The following IRAK1 variants were observed in gnomAD, a reference collection of about 807,000 sequenced individuals.
The protein encoded by IRAK1 is interleukin 1 receptor associated kinase 1, also known as interleukin-1 receptor-associated kinase 1.
A neutral mutation model predicts 49.8 loss-of-function variants in IRAK1; 9 were observed. The observed-to-expected ratio is 0.18, with a 90% CI of 0.11 to 0.32. The LOEUF is 0.32. IRAK1 is among the 10% of genes least tolerant of loss of function. The probability of loss-of-function intolerance (pLI) is 1.00; values close to 1 mark genes in which losing one functional copy is unlikely to be tolerated. For synonymous variants in IRAK1, 282 were observed against 270.8 expected, an observed-to-expected ratio of 1.04 and a Z score of -0.41; for missense variants, 418 against 600.5, an observed-to-expected ratio of 0.70 and a Z score of 3.18.
At chrX:154,018,198 C>A in intron 6 of IRAK1, 78 bp from the exon 7 acceptor site, 1 of 1,061,901 alleles carries the variant, frequency 9.4e-7, no homozygotes, top group Non-Finnish European at 1.3e-6. Context: ...CTCGCCCGGG[C>A]CTGCCAGGCC....
In IRAK1 at chrX:154,019,588, G is replaced by A. The variant is rs1218532297; in HGVS notation, c.147C>T (p.Ile49=). 58 of 1,095,237 alleles carry A rather than the reference G, an allele frequency of 5.3e-5. No individual in the cohort carries two copies. Among genetic ancestry groups the A allele is most frequent in the Non-Finnish European group, 6.8e-5 (57 of 844,321 alleles). The allele number at this position is 1,095,237 out of a possible 1,213,427, so 90.3% of individuals were successfully genotyped here. Reference sequence around the variant, plus strand: ...GCCGCAGCTCGGTCTGGTCGCGCACGATCAGGGCGGCTGCGGGGCGGGGGG... The same window carrying A: ...GCCGCAGCTCGGTCTGGTCGCGCACAATCAGGGCGGCTGCGGGGCGGGGGG... The part of the protein sequence containing the change: ...PADWCQFAAL[I]VRDQTELRLC... The change falls in exon 2 of 14, where the codon ATC becomes ATT. Residue 49 remains isoleucine (I), a synonymous_variant. Coordinates refer to ENST00000369980, the MANE Select transcript of IRAK1 (RefSeq NM_001569.4).
chrX:154,019,684 G>A lies in IRAK1; in HGVS notation c.129C>T (p.Cys43=). The A allele has an allele frequency of 1.0e-6, 1 of 980,152 alleles. No individual in the cohort carries two copies. Among genetic ancestry groups the A allele is most frequent in the East Asian group, 4.1e-5 (1 of 24,369 alleles). The allele number at this position is 980,152 out of a possible 1,213,427, so 80.8% of individuals were successfully genotyped here. ...VMDALEPADW[C]QFAALIVRDQ... ...CAGCCCGCCGCCACCCACCGAACTG[G>A]CACCAGTCGGCGGGCTCCAGGGCGT... The change falls in exon 1 of 14, where the codon TGC becomes TGT. Residue 43 remains cysteine, a synonymous_variant. Transcript: ENST00000369980.
chrX:154,017,828 T>TAAA lies in IRAK1; in HGVS notation c.909+177_909+178insTTT, dbSNP rs2065750478. On this transcript the variant is annotated intron_variant, in intron 7 of 13. Coordinates refer to ENST00000369980, the MANE Select transcript of IRAK1 (RefSeq NM_001569.4). ...AAAAAAAAAAAAAAAAAAAAAAAAT[T>TAAA]GACCCCACCGTGGGCCAAATCCTGA... 7.8e-4 allele frequency among the ~76,000 whole-genome samples: 9 copies of TAAA among 11,515 alleles called. 1 individual carries two copies. The highest frequency in any genetic ancestry group is 2.0e-3 in the African/African-American group (6 of 2,963). The allele number at this position is 11,515 out of a possible 115,157, so 10.0% of individuals were successfully genotyped here.
rs1168861199 is a variant in IRAK1, at chrX:154,011,838, G to A, written c.*21C>T. 4.2e-6 allele frequency: 5 copies of A among 1,201,743 alleles called. No homozygotes were observed. The highest frequency in any genetic ancestry group is 5.6e-6 in the Non-Finnish European group (5 of 886,788). On this transcript the variant is annotated 3_prime_UTR_variant, in exon 14 of 14. Transcript: ENST00000369980. ...GAGAACTTTGACTTCCGGATTTGGGGGATCTGCCCAGGTGAACACATCAGC... is the reference window on the plus strand; with the variant it reads ...GAGAACTTTGACTTCCGGATTTGGGAGATCTGCCCAGGTGAACACATCAGC...
rs1465214512 is a variant in IRAK1, at chrX:154,016,635, G to A, written c.1038C>T (p.Val346=). 2 of 1,207,813 alleles carry A rather than the reference G, an allele frequency of 1.7e-6. No individual in the cohort carries two copies. The highest frequency in any genetic ancestry group is 2.2e-6 in the Non-Finnish European group (2 of 892,029). Residue 346 remains valine (V), a synonymous_variant, in exon 9 of 14, where the codon GTC becomes GTT. Coordinates refer to ENST00000369980, the MANE Select transcript of IRAK1 (RefSeq NM_001569.4). ...LIHGDIKSSN[V]LLDERLTPKL... The stretch of plus-strand genomic sequence containing the variant: ...TGGGTGTCAGCCTCTCATCCAGAAG[G>A]ACGTTGGAACTTGGGGAGAGAAGAC...
chrX:154,016,405 C>T (rs375078869), intron 9 of IRAK1, 32 bp downstream of exon 9: 5 of 1,178,729 alleles, frequency 4.2e-6, no homozygotes, highest in African/African-American at 3.5e-5. Flanking sequence ...GGCTTCTCCT[C>T]CTCTGAGCCA....
Position 154,019,830 on chromosome X carries a change from C to T in IRAK1, c.-18G>A. 1.2e-6 allele frequency: 1 copy of T among 816,576 alleles called. No homozygotes were observed. Among genetic ancestry groups the T allele is most frequent in the African/African-American group, 2.2e-5 (1 of 44,951 alleles). The allele number at this position is 816,576 out of a possible 1,213,427, so 67.3% of individuals were successfully genotyped here. ...CCGGCCATGGCTGCCGCCGCCGGGC[C>T]GGGACCTGCCGGGGCCTCTCAGGGC... On this transcript the variant is annotated 5_prime_UTR_variant, in exon 1 of 14. Coordinates refer to ENST00000369980, the MANE Select transcript of IRAK1 (RefSeq NM_001569.4).
At chrX:154,016,886 T>C (rs1246891628) in intron 8 of IRAK1, 63 bp downstream of exon 8, 2 of 829,113 alleles carry the variant, frequency 2.4e-6, no homozygotes, top group South Asian at 4.0e-5. Context: ...CCCACATTGA[T>C]AGGACGCGGG....
chrX:154,013,556 C>T (rs1216146002), intron 11 of IRAK1, 123 bp from the exon 12 acceptor site: 1 of 657,265 alleles, frequency 1.5e-6, no homozygotes, highest in Admixed American at 3.9e-5. Context: ...AATGACATAC[C>T]CTGCAGCTGG....
Position 154,019,260 on chromosome X carries a change from C to T in IRAK1, c.373G>A (p.Ala125Thr), listed in dbSNP as rs781919207. The change falls in exon 3 of 14, where the codon GCC (alanine) becomes ACC (threonine). Residue 125 changes from alanine to threonine, a missense_variant. By Grantham distance (58) the Ala-to-Thr change is moderately conservative. Around this residue, in one of 3 missense-constraint regions of IRAK1, gnomAD observed 377 missense variants for 499.5 expected, o/e 0.75. Coordinates refer to ENST00000369980, the MANE Select transcript of IRAK1 (RefSeq NM_001569.4). ...APRPSSIPAP[A>T]EAEAWSPRKL... ...CGGGGGCTCCAGGCCTCGGCCTCGG[C>T]GGGTGCAGGGATGCTGCTGGGCCTC... The T allele has an allele frequency of 4.2e-5, 51 of 1,202,886 alleles. No individual in the cohort carries two copies. In the South Asian group the frequency reaches 7.9e-4, roughly 19 times the overall value.
chrX:154,012,780 T>C, intron 12 of IRAK1, 102 bp from the exon 13 acceptor site: 2 of 955,501 alleles, frequency 2.1e-6, no homozygotes, highest in Non-Finnish European at 2.9e-6. Context: ...CTCAGAGAAG[T>C]CCAAGGGCAG....
Position 154,018,756 on chromosome X carries a change from T to A in IRAK1, c.572A>T (p.Gln191Leu). Residue 191 changes from glutamine (Q) to leucine (L), a missense_variant, in exon 5 of 14, where the codon CAG (glutamine) becomes CTG (leucine). Around this residue, in one of 3 missense-constraint regions of IRAK1, gnomAD observed 377 missense variants for 499.5 expected, o/e 0.75. Transcript: ENST00000369980. ...PGPESSVSLL[Q>L]GARPFPFCWP... ...GCAAAACGGAAAGGGGCGGGCTCCC[T>A]GCAGGAGGGACACTGAGCTCTCTGG... is the stretch of plus-strand genomic sequence containing the variant. 1.1e-6 allele frequency: 1 copy of A among 918,742 alleles called. No homozygotes were observed. The highest frequency in any genetic ancestry group is 1.6e-6 in the Non-Finnish European group (1 of 628,530). 75.7% of individuals were successfully genotyped at this position (918,742 alleles called of 1,213,427 possible).
At chrX:154,018,190 C>T (rs1263980755) in intron 6 of IRAK1, 70 bp from the exon 7 acceptor site, 16 of 1,071,116 alleles carry the variant, frequency 1.5e-5, no homozygotes, top group South Asian at 9.6e-5. Context: ...GGCCTCAGCT[C>T]GCCCGGGCCT....
chrX:154,012,650 C>A lies in IRAK1; in HGVS notation c.1959G>T (p.Ser653=), dbSNP rs782684300. 8.3e-7 allele frequency: 1 copy of A among 1,211,385 alleles called. No homozygotes were observed. Among genetic ancestry groups the A allele is most frequent in the Non-Finnish European group, 1.1e-6 (1 of 895,060 alleles). Residue 653 remains serine (S), a synonymous_variant, in exon 13 of 14, where the codon TCG becomes TCT. Coordinates refer to ENST00000369980, the MANE Select transcript of IRAK1 (RefSeq NM_001569.4). ...EGLALGSSAS[S]SSEPPQIIIN... ...TGATAATCTGCGGTGGCTCTGACGA[C>A]GATGATGCAGAGCTGCCAAGGGCCA...
intron 6 of IRAK1, 70 bp downstream of exon 6, chrX:154,018,221 G>C (rs1372559352): frequency 9.4e-7 from 1 of 1,066,477 alleles, no homozygotes; most frequent in African/African-American, 1.8e-5. Context: ...AGGTGCCCAA[G>C]GGAGCCAGGT....
rs139615756 is a variant in IRAK1, at chrX:154,011,886, G to C, written c.2112C>G (p.Pro704=). The C allele has an allele frequency of 1.7e-6, 2 of 1,209,974 alleles. No homozygotes were observed. Among genetic ancestry groups the C allele is most frequent in the East Asian group, 3.0e-5 (1 of 33,776 alleles). ...GLGLEQDRQG[P]EESDEFQS ...AGCTCTGAAATTCATCACTTTCTTC[G>C]GGCCCCTGCCTGTCCTGTTCCAGGC... Residue 704 remains proline, a synonymous_variant, in exon 14 of 14, where the codon CCC becomes CCG. Coordinates refer to ENST00000369980, the MANE Select transcript of IRAK1 (RefSeq NM_001569.4).
chrX:154,016,787 G>A (rs944425394), intron 8 of IRAK1, 143 bp from the exon 9 acceptor site: 3 of 616,655 alleles, frequency 4.9e-6, no homozygotes, highest in Middle Eastern at 5.1e-4. Context: ...AGCTGCCTGG[G>A]GGCCTCTGCT....
chrX:154,010,824 C>T lies in IRAK1; in HGVS notation c.*1035G>A, dbSNP rs1557127204. 3.6e-6 allele frequency: 1 copy of T among 279,047 alleles called. No homozygotes were observed. The highest frequency in any genetic ancestry group is 2.8e-5 in the African/African-American group (1 of 35,803). The allele number at this position is 279,047 out of a possible 1,213,427, so 23.0% of individuals were successfully genotyped here. A position where few individuals can be genotyped will look rare whatever the true frequency, so the allele number is the denominator to read the frequency against. On this transcript the variant is annotated 3_prime_UTR_variant, in exon 14 of 14. Coordinates refer to ENST00000369980, the MANE Select transcript of IRAK1 (RefSeq NM_001569.4). ...GGCCTAGCTAGACCTTGGGTAGTGG[C>T]CCCTCTGCCACAATCAGTGCCTGGG... is the stretch of plus-strand genomic sequence containing the variant.
At chrX:154,014,448 C>A (rs1603303947) in intron 10 of IRAK1, 170 bp from the exon 11 acceptor site, 1 of 483,824 alleles carries the variant, frequency 2.1e-6, no homozygotes, top group East Asian at 3.9e-5. Flanking sequence ...CTCAAGTGAT[C>A]CTCCCGCCTC....
Sources: allele counts gnomAD v4.1 joint callset (sites outside exome capture counted in the v4.1 genomes callset), GRCh38; gene constraint gnomAD v4.1.1; regional missense constraint gnomAD v4.1.1; transcripts MANE v1.5; gene names NCBI Gene and HGNC (gene_info 2026-07-23, HGNC 2026-07-21).